The following HTT variants were observed in gnomAD, a reference collection of about 807,000 sequenced individuals.
HTT encodes the protein huntingtin.
HTT carries 104 observed loss-of-function variants against 362.3 expected under a neutral mutation model. The observed-to-expected ratio is 0.29, with a 90% CI of 0.24 to 0.34. HTT has a LOEUF of 0.34. Ranked by LOEUF, HTT falls within the 10% of genes least tolerant of loss-of-function variation. The pLI is 1.00. For missense variants in HTT, 3,301 were observed against 3,928.6 expected (o/e 0.84, Z 4.27); for synonymous variants, 1,577 against 1,548.7 (o/e 1.02, Z -0.43).
At chr4:3,220,141 G>C in intron 52 of HTT, 41 bp from the exon 53 acceptor site, 1 of 1,612,764 alleles carries the variant, frequency 6.2e-7, no homozygotes, top group Non-Finnish European at 8.5e-7. Context: ...TGTCTGTCCT[G>C]ACTCAACTCG....
intron 1 of HTT, among the ~76,000 whole-genome samples, chr4:3,077,560 C>T (rs1027138476): frequency 6.6e-6 from 1 of 152,076 alleles, no homozygotes; most frequent in Non-Finnish European, 1.5e-5. Context: ...GCTGGGATTA[C>T]AGGCGCCCAC....
intron 57 of HTT, among the ~76,000 whole-genome samples, chr4:3,225,994 G>C (rs1481654431): frequency 6.6e-6 from 1 of 152,098 alleles, no homozygotes; most frequent in African/African-American, 2.4e-5. Context: ...CACATGTAGC[G>C]ATAGAGATGT....
intron 27 of HTT, among the ~76,000 whole-genome samples, chr4:3,154,623 G>A (rs1578544299): frequency 6.6e-6 from 1 of 152,232 alleles, no homozygotes. Context: ...GCATTTCTAA[G>A]TGCCACTGGC....
chr4:3,160,413 C>T (rs1560574115), intron 29 of HTT, 21 bp downstream of exon 29: 1 of 1,466,174 alleles, frequency 6.8e-7, no homozygotes, highest in East Asian at 2.5e-5. Context: ...TGTTTTTTCT[C>T]CTTGGGTTGT....
At chr4:3,214,193 G>GTT in intron 50 of HTT, 58 bp downstream of exon 50, 1 of 1,306,538 alleles carries the variant, frequency 7.7e-7, no homozygotes, top group South Asian at 2.0e-5. Context: ...GCTTCACCAT[G>GTT]TTTTTATTTT....
intron 26 of HTT, among the ~76,000 whole-genome samples, chr4:3,150,364 G>C (rs538765502): frequency 6.6e-6 from 1 of 152,272 alleles, no homozygotes; most frequent in South Asian, 2.1e-4. Context: ...GTATTGGGCA[G>C]GGCAGCCTGA....
intron 4 of HTT, 136 bp from the exon 5 acceptor site, chr4:3,105,221 C>T: frequency 1.6e-6 from 1 of 628,350 alleles, no homozygotes; most frequent in Non-Finnish European, 2.9e-6. Context: ...AAAGTAGTTA[C>T]CAGATGTTTT....
intron 1 of HTT, among the ~76,000 whole-genome samples, chr4:3,080,006 A>G (rs564321114): frequency 3.5e-4 from 53 of 152,340 alleles, no homozygotes; most frequent in African/African-American, 8.4e-4. Context: ...TCCTGCTGCA[A>G]TAGCTTAAAC....
In HTT at chr4:3,145,196, A is replaced by C; in HGVS notation, c.3111A>C (p.Pro1037=). 1 of 1,613,784 alleles carries C rather than the reference A, an allele frequency of 6.2e-7. No homozygotes were observed. The highest frequency in any genetic ancestry group is 8.5e-7 in the Non-Finnish European group (1 of 1,179,764). ...TGTGTCTTCTTTCCACTGCCTTCCC[A>C]GTTTGCATTTGGAGTTTAGGTTGGC... ...EALCLLSTAF[P]VCIWSLGWHC... is the part of the protein sequence containing the mutation. Residue 1037 remains proline (P), a synonymous_variant, in exon 24 of 67, where the codon CCA becomes CCC. Coordinates refer to ENST00000355072, the MANE Select transcript of HTT (RefSeq NM_001388492.1).
Position 3,180,580 on chromosome 4 carries a change from G to A in HTT, c.4678G>A (p.Ala1560Thr). 2 of 1,613,576 alleles carry A rather than the reference G, an allele frequency of 1.2e-6. No homozygotes were observed. Among genetic ancestry groups the A allele is most frequent in the Admixed American group, 1.7e-5 (1 of 59,956 alleles). ...FVLRGTNKAD[A>T]GKELETQKEV... is the part of the protein sequence containing the mutation. ...ATTAAGAGGAACAAATAAAGCTGAT[G>A]CAGGAAAAGAGCTTGAAACCCAAAA... is the stretch of plus-strand genomic sequence containing the variant. Residue 1560 changes from alanine to threonine, a missense_variant, in exon 36 of 67, where the codon GCA (alanine) becomes ACA (threonine). By Grantham distance (58) the Ala-to-Thr change is moderately conservative. Transcript: ENST00000355072.
intron 6 of HTT, 105 bp downstream of exon 6, chr4:3,107,528 G>A (rs1714494246): frequency 9.2e-7 from 1 of 1,081,418 alleles, no homozygotes; most frequent in East Asian, 2.4e-5. Flanking sequence ...GCTTCTTGGG[G>A]TATGTTGTAT....
At chr4:3,173,283 GC>G in intron 31 of HTT, 152 bp downstream of exon 31, 1 of 656,940 alleles carries the variant, frequency 1.5e-6, no homozygotes, top group Non-Finnish European at 2.6e-6. Context: ...TATGGTTGAT[GC>G]AAAGATGATT....
intron 52 of HTT, among the ~76,000 whole-genome samples, chr4:3,219,052 TC>T (rs1720553847): frequency 6.6e-6 from 1 of 152,198 alleles, no homozygotes; most frequent in Non-Finnish European, 1.5e-5. Context: ...ATGAAGGTAT[TC>T]CAGATGGCGG....
chr4:3,200,213 T>C lies in HTT; in HGVS notation c.5576+274T>C, dbSNP rs561351740. 2.0e-5 allele frequency among the ~76,000 whole-genome samples: 3 copies of C among 152,224 alleles called. No individual in the cohort carries two copies. The East Asian group carries it at 5.8e-4, about 29-fold the overall frequency. On this transcript the variant is annotated intron_variant, in intron 41 of 66. Coordinates refer to ENST00000355072, the MANE Select transcript of HTT (RefSeq NM_001388492.1). The stretch of plus-strand genomic sequence containing the variant: ...TGACACCATTGCATCTTGTGGGATA[T>C]GCTTGTCATGCTCTGTGGCTCCTAC...
At chr4:3,178,250 G>T (rs760855221) in intron 34 of HTT, 48 bp from the exon 35 acceptor site, 1 of 1,339,594 alleles carries the variant, frequency 7.5e-7, no homozygotes. Flanking sequence ...ATATTGATAT[G>T]TATCTTAATT....
intron 29 of HTT, among the ~76,000 whole-genome samples, chr4:3,163,382 A>G (rs1346289132): frequency 6.6e-6 from 1 of 152,154 alleles, no homozygotes; most frequent in Non-Finnish European, 1.5e-5. Flanking sequence ...TTGGCCTAAA[A>G]TTCTCTTTTT....
intron 33 of HTT, 79 bp downstream of exon 33, chr4:3,175,186 T>C: frequency 7.7e-7 from 1 of 1,306,874 alleles, no homozygotes; most frequent in Non-Finnish European, 1.1e-6. Context: ...TGAAATCTAC[T>C]TTAAAGAAAT....
rs759239953 is a variant in HTT, at chr4:3,140,617, C to T, written c.2906C>T (p.Thr969Met). Residue 969 changes from threonine to methionine, a missense_variant, in exon 22 of 67, where the codon ACG (threonine) becomes ATG (methionine). By Grantham distance (81) the Thr-to-Met change is moderately conservative (BLOSUM62 -1). This residue lies in a region of HTT where 2,316 missense variants were observed against 2,658.5 expected (regional missense o/e 0.87). Transcript: ENST00000355072. ...TACCTGAAACTTCTCATGCATGAGA[C>T]GCAGCCTCCATCTCATTTCTCCGTC... is the stretch of plus-strand genomic sequence containing the variant. ...SVYLKLLMHE[T>M]QPPSHFSVST... is the part of the protein sequence containing the mutation. 7.4e-6 allele frequency: 12 copies of T among 1,613,482 alleles called. No individual in the cohort carries two copies. The highest frequency in any genetic ancestry group is 2.7e-5 in the African/African-American group (2 of 74,922).
At chr4:3,158,547 AAACTT>A (rs1363147514) in intron 28 of HTT, among the ~76,000 whole-genome samples, 1 of 152,228 alleles carries the variant, frequency 6.6e-6, no homozygotes. Context: ...ATTTTAAAAA[AAACTT>A]AAAGATTATT....
Sources: allele counts gnomAD v4.1 joint callset (sites outside exome capture counted in the v4.1 genomes callset), GRCh38; gene constraint gnomAD v4.1.1; regional missense constraint gnomAD v4.1.1; transcripts MANE v1.5; gene names NCBI Gene and HGNC (gene_info 2026-07-23, HGNC 2026-07-21).